Variants in XRRA1 observed in about 807,000 individuals in gnomAD.
XRRA1 encodes X-ray radiation resistance associated 1.
A neutral mutation model predicts 80.2 loss-of-function variants in XRRA1; 69 were observed. That is an observed-to-expected ratio of 0.86 (90% CI 0.71 to 1.05). The LOEUF is 1.05. XRRA1 is among the 50% of genes least tolerant of loss of function. The probability of loss-of-function intolerance (pLI) is 0.00; values close to 1 mark genes in which losing one functional copy is unlikely to be tolerated. For missense variants in XRRA1, 967 were observed against 976.4 expected, an observed-to-expected ratio of 0.99 and a Z score of 0.13; for synonymous variants, 348 against 389.9, an observed-to-expected ratio of 0.89 and a Z score of 1.27.
chr11:74,922,505 A>G (rs1941149889), intron 7 of XRRA1, among the ~76,000 whole-genome samples: 1 of 152,178 alleles, frequency 6.6e-6, no homozygotes, highest in Non-Finnish European at 1.5e-5. Flanking sequence ...GACACTATAT[A>G]TACAAGTTGG....
At chr11:74,937,420 T>G (rs1226472202) in intron 3 of XRRA1, among the ~76,000 whole-genome samples, 1 of 152,164 alleles carries the variant, frequency 6.6e-6, no homozygotes, top group Non-Finnish European at 1.5e-5. Context: ...GTCTTCCCTT[T>G]TGCCCCTCAG....
chr11:74,876,977 G>C (rs775405180), intron 10 of XRRA1: 2 of 152,070 alleles, frequency 1.3e-5, no homozygotes, highest in African/African-American at 4.8e-5. Context: ...GGAAATTCTT[G>C]GTGAGTAAAA....
intron 3 of XRRA1, among the ~76,000 whole-genome samples, chr11:74,940,265 T>C (rs979648976): frequency 2.6e-5 from 4 of 152,254 alleles, no homozygotes; most frequent in African/African-American, 4.8e-5. Flanking sequence ...TAAGCCATTT[T>C]ATTTAGGAGT....
In XRRA1 at chr11:74,844,240, G is replaced by A; in HGVS notation, c.1971C>T (p.His657=). 1 of 1,613,658 alleles carries A rather than the reference G, an allele frequency of 6.2e-7. No homozygotes were observed. The highest frequency in any genetic ancestry group is 8.5e-7 in the Non-Finnish European group (1 of 1,179,848). Residue 657 remains histidine, a synonymous_variant, in exon 17 of 19, where the codon CAC becomes CAT. Coordinates refer to ENST00000684022, the MANE Select transcript of XRRA1 (RefSeq NM_001378157.1). ...GCTTGGAGGAGTGGCACAGGAGTGGGTGCTTCAGCATTTGTTGCAGGGCTT... is the reference window on the plus strand; with the variant it reads ...GCTTGGAGGAGTGGCACAGGAGTGGATGCTTCAGCATTTGTTGCAGGGCTT... ...NAQALQQMLK[H]PLLCHSSKPK... is the part of the protein sequence containing the mutation.
chr11:74,907,288 A>T lies in XRRA1; in HGVS notation c.657-15T>A. 1 of 1,613,598 alleles carries T rather than the reference A, an allele frequency of 6.2e-7. No homozygotes were observed. Among genetic ancestry groups the T allele is most frequent in the Non-Finnish European group, 8.5e-7 (1 of 1,179,682 alleles). On this transcript the variant is annotated splice_polypyrimidine_tract_variant and intron_variant, in intron 8 of 18. Coordinates refer to ENST00000684022, the MANE Select transcript of XRRA1 (RefSeq NM_001378157.1). ...CAGATGCCTCCCTGTGAGTGCAAAG[A>T]TCTTGGGTAATGAGCAAGGTCGAGG...
chr11:74,902,913 TAA>T (rs2053840753), intron 10 of XRRA1, among the ~76,000 whole-genome samples: 1 of 152,128 alleles, frequency 6.6e-6, no homozygotes, highest in African/African-American at 2.4e-5. Context: ...TAAAAATAAC[TAA>T]AAGAGTATAT....
intron 10 of XRRA1, 21 bp from the exon 11 acceptor site, chr11:74,863,042 A>C (rs2042634053): frequency 1.3e-6 from 2 of 1,596,390 alleles, no homozygotes; most frequent in Admixed American, 1.7e-5. Flanking sequence ...AGAGAAACAG[A>C]ATGAAGGTTG....
At chr11:74,917,518 A>G (rs1939108557) in intron 8 of XRRA1, among the ~76,000 whole-genome samples, 1 of 152,218 alleles carries the variant, frequency 6.6e-6, no homozygotes, top group Non-Finnish European at 1.5e-5. Context: ...CTACTCCATC[A>G]TCTTCCCAGA....
intron 5 of XRRA1, chr11:74,933,573 T>C (rs1283996641): frequency 1.6e-5 from 7 of 442,404 alleles, no homozygotes; most frequent in Non-Finnish European, 2.9e-5. Flanking sequence ...CAATTTTCTT[T>C]AATTCATATC....
Position 74,906,559 on chromosome 11 carries a change from T to C in XRRA1, c.786-103A>G, listed in dbSNP as rs768089198. ...AAAACATGGAATCAGGCTTGGATAC[T>C]TATTCCTCTTGTGTGACGTTGAGCC... On this transcript the variant is annotated intron_variant, in intron 9 of 18. Transcript: ENST00000684022. 1.4e-4 allele frequency: 181 copies of C among 1,313,214 alleles called. 1 individual carries two copies. The Middle Eastern group carries it at 3.4e-3, about 25-fold the overall frequency. 81.3% of individuals were successfully genotyped at this position (1,313,214 alleles called of 1,614,324 possible). A position where few individuals can be genotyped will look rare whatever the true frequency, so the allele number is the denominator to read the frequency against.
intron 7 of XRRA1, among the ~76,000 whole-genome samples, chr11:74,926,608 C>T (rs1460830569): frequency 6.6e-6 from 1 of 152,134 alleles, no homozygotes; most frequent in Non-Finnish European, 1.5e-5. Context: ...TTACTACTGC[C>T]GTGACTCTCA....
chr11:74,883,045 C>T (rs1264583910), intron 10 of XRRA1, among the ~76,000 whole-genome samples: 8 of 152,284 alleles, frequency 5.3e-5, no homozygotes, highest in Admixed American at 3.3e-4. Flanking sequence ...CCACCCAGTT[C>T]GAGCTTCCCG....
intron 11 of XRRA1, among the ~76,000 whole-genome samples, chr11:74,860,819 C>T (rs1215625915): frequency 6.6e-6 from 1 of 152,190 alleles, no homozygotes; most frequent in African/African-American, 2.4e-5. Context: ...TGGCACTGAG[C>T]TTCTAAAACT....
intron 10 of XRRA1, among the ~76,000 whole-genome samples, chr11:74,889,259 T>TAAAGA (rs1344244642): frequency 6.6e-6 from 1 of 152,076 alleles, no homozygotes; most frequent in Non-Finnish European, 1.5e-5. Flanking sequence ...TCAACATTCT[T>TAAAGA]AAAGAAAAGA....
rs1335546095 is a variant in XRRA1, at chr11:74,843,170, G to A, written c.*30C>T. The A allele has an allele frequency of 2.0e-6, 3 of 1,534,654 alleles. No homozygotes were observed. Among genetic ancestry groups the A allele is most frequent in the Non-Finnish European group, 1.8e-6 (2 of 1,136,748 alleles). ...CTCGGGGAGAGCTGGGGCACAGGCC[G>A]GGTGGTGCACACAGCCCCCATGCAC... On this transcript the variant is annotated 3_prime_UTR_variant, in exon 19 of 19. Coordinates refer to ENST00000684022, the MANE Select transcript of XRRA1 (RefSeq NM_001378157.1).
At chr11:74,922,821 T>C (rs1941236385) in intron 7 of XRRA1, among the ~76,000 whole-genome samples, 1 of 152,184 alleles carries the variant, frequency 6.6e-6, no homozygotes, top group Non-Finnish European at 1.5e-5. Flanking sequence ...ATCTGTAAAG[T>C]AGAAATAAGT....
At chr11:74,921,387 T>C (rs1048048401) in intron 7 of XRRA1, 40 bp from the exon 8 acceptor site, 1 of 1,611,590 alleles carries the variant, frequency 6.2e-7, no homozygotes, top group South Asian at 1.1e-5. Context: ...GTAAGCACTC[T>C]GTGTGACAAC....
At chr11:74,868,076 C>A (rs1017664623) in intron 10 of XRRA1, among the ~76,000 whole-genome samples, 1 of 151,962 alleles carries the variant, frequency 6.6e-6, no homozygotes, top group African/African-American at 2.4e-5. Context: ...CATGCGTCAC[C>A]GCACCTAATT....
chr11:74,857,978 G>A (rs947852785), intron 12 of XRRA1, among the ~76,000 whole-genome samples: 1 of 152,138 alleles, frequency 6.6e-6, no homozygotes, highest in East Asian at 1.9e-4. Context: ...GAAATGTAAA[G>A]CTTTACATGC....
Sources: allele counts gnomAD v4.1 joint callset (sites outside exome capture counted in the v4.1 genomes callset), GRCh38; gene constraint gnomAD v4.1.1; transcripts MANE v1.5; gene names NCBI Gene and HGNC (gene_info 2026-07-23, HGNC 2026-07-21).